The following MAP3K5 variants were observed in gnomAD, a reference collection of about 807,000 sequenced individuals.
MAP3K5 encodes the protein mitogen-activated protein kinase kinase kinase 5.
Under a neutral mutation model 158.7 loss-of-function variants are expected in MAP3K5, and 56 were observed. The ratio of observed to expected loss-of-function variants is 0.35; its 90% CI spans 0.28 to 0.44. MAP3K5 has a LOEUF of 0.44. Among genes scored for constraint, MAP3K5 ranks in the 20% least tolerant of loss-of-function variants. The pLI, the probability that MAP3K5 is intolerant of heterozygous loss-of-function variation, is 1.00. For synonymous variants in MAP3K5, 579 were observed against 601.7 expected (o/e 0.96, Z 0.55); for missense variants, 1,294 against 1,674.8 (o/e 0.77, Z 3.97).
At chr6:136,673,094 G>C (rs981297781) in intron 7 of MAP3K5, among the ~76,000 whole-genome samples, 1 of 151,852 alleles carries the variant, frequency 6.6e-6, no homozygotes, top group Non-Finnish European at 1.5e-5. Flanking sequence ...AGAAATCTCC[G>C]ACAGTATTTA....
intron 1 of MAP3K5, among the ~76,000 whole-genome samples, chr6:136,744,463 G>A (rs1391041392): frequency 1.3e-5 from 2 of 151,948 alleles, no homozygotes; most frequent in Admixed American, 1.3e-4. Flanking sequence ...TATAAGGAAG[G>A]CTCCTGACAC....
rs1043641176 is a variant in MAP3K5 at position 136,613,470 on chromosome 6, T to C, written c.2279-214A>G. Among the ~76,000 whole-genome samples the C allele has an allele frequency of 1.3e-5, 2 of 152,220 alleles. No individual in the cohort carries two copies. Among genetic ancestry groups the C allele is most frequent in the Admixed American group, 6.5e-5 (1 of 15,284 alleles). On this transcript the variant is annotated intron_variant, in intron 16 of 29. Transcript: ENST00000359015. This position sits in a 1 kb window ranked among gnomAD's most constrained non-coding sequence, Gnocchi z 4.0. ...TGTCTAAGTAAAAGGCCAATGTCAATTGCCAACTTTAATTCAAGTCATGAT... is the reference window on the plus strand; with the variant it reads ...TGTCTAAGTAAAAGGCCAATGTCAACTGCCAACTTTAATTCAAGTCATGAT...
At chr6:136,692,943 A>G (rs555645326) in intron 7 of MAP3K5, among the ~76,000 whole-genome samples, 47 of 152,212 alleles carry the variant, frequency 3.1e-4, no homozygotes, top group Non-Finnish European at 5.3e-4. Flanking sequence ...GTGACGGAGC[A>G]AGACCTTGTC....
chr6:136,700,602 T>C (rs1352494412), intron 3 of MAP3K5, among the ~76,000 whole-genome samples: 1 of 152,076 alleles, frequency 6.6e-6, no homozygotes, highest in Non-Finnish European at 1.5e-5. Flanking sequence ...CTTCAAAAGG[T>C]TGAGATTTGA....
chr6:136,604,791 C>A (rs1776033204), intron 19 of MAP3K5, among the ~76,000 whole-genome samples: 1 of 151,786 alleles, frequency 6.6e-6, no homozygotes, highest in South Asian at 2.1e-4. Flanking sequence ...AAAAATGAAG[C>A]CTTCAAACTA....
intron 14 of MAP3K5, among the ~76,000 whole-genome samples, chr6:136,623,756 G>T (rs934195086): frequency 1.3e-5 from 2 of 152,196 alleles, no homozygotes; most frequent in Non-Finnish European, 1.5e-5. Flanking sequence ...GCATGTCCCT[G>T]TAGAAACCCA....
chr6:136,574,041 C>A (rs1027097069), intron 25 of MAP3K5, among the ~76,000 whole-genome samples: 1 of 151,552 alleles, frequency 6.6e-6, no homozygotes, highest in Admixed American at 6.6e-5. Flanking sequence ...AGTGATTCTT[C>A]TGCTTCGGCC....
At chr6:136,792,534 T>G (rs1785130198), upstream of MAP3K5, 1 of 195,338 alleles carries the variant, frequency 5.1e-6, no homozygotes, top group Non-Finnish European at 7.9e-6. The surrounding 1 kb of genome is among the most constrained non-coding windows in gnomAD (Gnocchi z 5.7). Context: ...CAGCCCGCCC[T>G]CGCCACCCGC....
chr6:136,707,369 G>C (rs80141125), intron 2 of MAP3K5, among the ~76,000 whole-genome samples: 8,024 of 152,342 alleles, frequency 0.053, 311 homozygotes, highest in Non-Finnish European at 0.081. Flanking sequence ...GCTCAGCAGA[G>C]AAGGTGGAAC....
chr6:136,580,518 C>A, intron 24 of MAP3K5, 112 bp from the exon 25 acceptor site: 2 of 597,228 alleles, frequency 3.3e-6, no homozygotes, highest in Non-Finnish European at 6.0e-6. Flanking sequence ...GTTTCTTCAA[C>A]TTGAATTCTT....
intron 1 of MAP3K5, among the ~76,000 whole-genome samples, chr6:136,750,608 T>G (rs1488068208): frequency 6.6e-6 from 1 of 152,248 alleles, no homozygotes; most frequent in African/African-American, 2.4e-5. Flanking sequence ...TCATGTGGCA[T>G]CTTTAGATAG....
Position 136,637,320 on chromosome 6 carries a change from A to G in MAP3K5, c.2016+5T>C. 6.2e-7 allele frequency: 1 copy of G among 1,601,164 alleles called. No homozygotes were observed. The highest frequency in any genetic ancestry group is 1.1e-5 in the South Asian group (1 of 90,810). The stretch of plus-strand genomic sequence containing the variant: ...CTAAATGTAAATGGACACCTAAGTC[A>G]TTACCTCCAGCAAGTCACTTTCACA... On this transcript the variant is annotated splice_donor_5th_base_variant and intron_variant, in intron 14 of 29. Transcript: ENST00000359015.
At chr6:136,726,595 A>T (rs1781977106) in intron 1 of MAP3K5, among the ~76,000 whole-genome samples, 1 of 152,104 alleles carries the variant, frequency 6.6e-6, no homozygotes, top group Non-Finnish European at 1.5e-5. Flanking sequence ...TCTGCCTCAA[A>T]AAAAAAAAGA....
chr6:136,694,669 A>G (rs1780526364), intron 6 of MAP3K5, among the ~76,000 whole-genome samples: 1 of 152,214 alleles, frequency 6.6e-6, no homozygotes, highest in African/African-American at 2.4e-5. Flanking sequence ...TAGAGTAAAT[A>G]AAGCCAAGTA....
chr6:136,568,028 A>AT (rs1167129545), intron 25 of MAP3K5, among the ~76,000 whole-genome samples, 154 bp from the exon 26 acceptor site: 2 of 152,186 alleles, frequency 1.3e-5, no homozygotes, highest in African/African-American at 2.4e-5. Context: ...GTAGACTCAG[A>AT]TTTGTTCTTC....
chr6:136,604,777 T>TA (rs796192414), intron 19 of MAP3K5, among the ~76,000 whole-genome samples: 8 of 120,342 alleles, frequency 6.6e-5, no homozygotes, highest in Middle Eastern at 4.1e-3. Flanking sequence ...CTTTTTTTTT[T>TA]AAAAAAAATG....
chr6:136,613,736 C>T lies in MAP3K5; in HGVS notation c.2278+423G>A, dbSNP rs75549874. On this transcript the variant is annotated intron_variant, in intron 16 of 29. Transcript: ENST00000359015. The surrounding 1 kb of genome is among the most constrained non-coding windows in gnomAD (Gnocchi z 4.0). ...ACTGAATGGTGCCAAAGAAAAGATC[C>T]CCCGAGACCATTACCCCTCCTTATG... Among the ~76,000 whole-genome samples, 803 of 152,044 alleles carry T rather than the reference C, an allele frequency of 5.3e-3. 3 individuals are homozygous for T. Among genetic ancestry groups the T allele is most frequent in the Non-Finnish European group, 9.4e-3 (636 of 67,986 alleles).
intron 1 of MAP3K5, among the ~76,000 whole-genome samples, chr6:136,768,668 C>T (rs1267562765): frequency 1.3e-5 from 2 of 151,652 alleles, no homozygotes; most frequent in South Asian, 2.1e-4. Context: ...AATCCCAGCA[C>T]TTTGGGAGGC....
Position 136,605,313 on chromosome 6 carries a change from C to T in MAP3K5, c.2575G>A (p.Gly859Arg), listed in dbSNP as rs780199243. ...EIIDKGPRGY[G>R]KAADIWSLGC... ...AGAGACCAGATGTCTGCTGCTTTTC[C>T]GTAGCCTCTTGGTCCTTTATCTATT... The change falls in exon 19 of 30, where the codon GGA becomes AGA. Residue 859 changes from glycine (G) to arginine (R), a missense_variant. Physicochemically the swap from Gly to Arg is moderately radical, Grantham distance 125. Transcript: ENST00000359015. The T allele has an allele frequency of 6.8e-6, 11 of 1,614,060 alleles. No homozygotes were observed. Among genetic ancestry groups the T allele is most frequent in the Non-Finnish European group, 8.5e-6 (10 of 1,179,950 alleles).
Sources: gnomAD v4.1 joint callset for allele counts (sites outside exome capture counted in the v4.1 genomes callset) on GRCh38, gnomAD v4.1.1 for gene constraint, Gnocchi (gnomAD v3.1) non-coding constraint, MANE v1.5 for transcripts, NCBI Gene and HGNC (gene_info 2026-07-23, HGNC 2026-07-21) for gene names.